SEMA5A: variants seen among roughly 807,000 people sequenced by gnomAD.
The protein encoded by SEMA5A is semaphorin 5A.
In SEMA5A, 55 loss-of-function variants were observed where a neutral mutation model predicts 135.5. The ratio of observed to expected loss-of-function variants is 0.41; its 90% CI spans 0.33 to 0.51. The LOEUF (loss-of-function observed/expected upper bound fraction) is 0.51. Among genes scored for constraint, SEMA5A ranks in the 20% least tolerant of loss-of-function variants. The pLI, the probability that SEMA5A is intolerant of heterozygous loss-of-function variation, is 0.37. For missense variants in SEMA5A, 1,290 were observed against 1,419.9 expected (o/e 0.91, Z 1.47); for synonymous variants, 580 against 546.5 (o/e 1.06, Z -0.85).
intron 16 of SEMA5A, among the ~76,000 whole-genome samples, chr5:9,084,106 C>A (rs980460068): frequency 1.3e-5 from 2 of 152,162 alleles, no homozygotes; most frequent in Non-Finnish European, 2.9e-5. Context: ...AAATAAAAGA[C>A]CTACTAGTCA....
chr5:9,069,470 T>C (rs1257531031), intron 16 of SEMA5A, among the ~76,000 whole-genome samples: 1 of 152,230 alleles, frequency 6.6e-6, no homozygotes, highest in Non-Finnish European at 1.5e-5. Context: ...ATGTTTCCAG[T>C]GGGATAGAAA....
At chr5:9,089,001 C>T (rs1738885158) in intron 16 of SEMA5A, among the ~76,000 whole-genome samples, 1 of 152,110 alleles carries the variant, frequency 6.6e-6, no homozygotes. Flanking sequence ...AGATTCTGTT[C>T]TCCTAAATTT....
At chr5:9,506,057 A>AC (rs3836919) in intron 1 of SEMA5A, among the ~76,000 whole-genome samples, 147,948 of 152,282 alleles carry the variant, frequency 0.97, 72,105 homozygotes, top group Non-Finnish European at 1. Flanking sequence ...TAACACATCC[A>AC]CCAGAATAAT....
chr5:9,492,776 A>G (rs543112344), intron 1 of SEMA5A, among the ~76,000 whole-genome samples: 11 of 152,344 alleles, frequency 7.2e-5, no homozygotes. Flanking sequence ...AAAAGGCTAC[A>G]TACTATGTGA....
chr5:9,049,466 G>A (rs975404138), intron 21 of SEMA5A, among the ~76,000 whole-genome samples: 4 of 152,178 alleles, frequency 2.6e-5, no homozygotes, highest in Non-Finnish European at 5.9e-5. Flanking sequence ...TGCCCAGCCA[G>A]TAAGCTCCTA....
chr5:9,248,311 A>G (rs940486402), intron 5 of SEMA5A, among the ~76,000 whole-genome samples: 6 of 152,154 alleles, frequency 3.9e-5, no homozygotes, highest in Non-Finnish European at 8.8e-5. Context: ...CCTTCCATCT[A>G]TTTAAATCAT....
At chr5:9,285,691 CT>C (rs1160535362) in intron 5 of SEMA5A, among the ~76,000 whole-genome samples, 5 of 152,162 alleles carry the variant, frequency 3.3e-5, no homozygotes, top group Non-Finnish European at 7.3e-5. Context: ...GCAAAGGTGC[CT>C]TTTGAAGCTT....
intron 19 of SEMA5A, among the ~76,000 whole-genome samples, chr5:9,053,127 G>T (rs1260784716): frequency 2.0e-5 from 3 of 152,104 alleles, no homozygotes; most frequent in Non-Finnish European, 4.4e-5. Context: ...GTTAGACCAA[G>T]AAAAGAATAG....
intron 3 of SEMA5A, among the ~76,000 whole-genome samples, chr5:9,359,158 C>T (rs1342312296): frequency 1.3e-5 from 2 of 152,156 alleles, no homozygotes; most frequent in African/African-American, 4.8e-5. Flanking sequence ...CTCCCCCCAC[C>T]AGCTAGAGGC....
chr5:9,059,408 T>C (rs1466339623), intron 18 of SEMA5A, among the ~76,000 whole-genome samples: 2 of 152,194 alleles, frequency 1.3e-5, no homozygotes, highest in Non-Finnish European at 2.9e-5. Context: ...ACTAGTTAGA[T>C]GGACCCACAG....
At chr5:9,180,687 G>T (rs899374370) in intron 11 of SEMA5A, among the ~76,000 whole-genome samples, 1 of 152,096 alleles carries the variant, frequency 6.6e-6, no homozygotes, top group Non-Finnish European at 1.5e-5. Context: ...AAAGTCTTAT[G>T]TATGTTGGAC....
intron 22 of SEMA5A, 89 bp from the exon 23 acceptor site, chr5:9,043,105 T>G: frequency 8.5e-7 from 1 of 1,171,566 alleles, no homozygotes; most frequent in Non-Finnish European, 1.2e-6. Flanking sequence ...ATGTTGAATT[T>G]GAGCTCTCTG....
rs1347728275 is a variant in SEMA5A at position 9,318,334 on chromosome 5, T to C, written c.270+38A>G. ...CCCTCAAACAGTGAGTTAATTGGGA[T>C]GGAAAATGAAAGCTTGAGAAAAATA... On this transcript the variant is annotated intron_variant, in intron 5 of 22. Coordinates refer to ENST00000382496, the MANE Select transcript of SEMA5A (RefSeq NM_003966.3). 6 of 1,586,396 alleles carry C rather than the reference T, an allele frequency of 3.8e-6. No individual in the cohort carries two copies. In the Admixed American group the frequency reaches 8.5e-5, roughly 23 times the overall value.
At chr5:9,112,305 C>G (rs1740285500) in intron 15 of SEMA5A, among the ~76,000 whole-genome samples, 1 of 152,166 alleles carries the variant, frequency 6.6e-6, no homozygotes, top group African/African-American at 2.4e-5. Context: ...AGATTCTCAG[C>G]ACTATATCAT....
intron 15 of SEMA5A, among the ~76,000 whole-genome samples, chr5:9,113,026 A>G (rs2150165471): frequency 6.6e-6 from 1 of 152,286 alleles, no homozygotes; most frequent in Admixed American, 6.5e-5. Flanking sequence ...GCTGCCAACA[A>G]CCACATGATC....
intron 1 of SEMA5A, among the ~76,000 whole-genome samples, chr5:9,464,469 T>C (rs1366003708): frequency 6.6e-6 from 1 of 152,218 alleles, no homozygotes; most frequent in Non-Finnish European, 1.5e-5. Flanking sequence ...TTTCCTACTG[T>C]TTGAACAGTT....
intron 1 of SEMA5A, among the ~76,000 whole-genome samples, chr5:9,438,358 A>T (rs1758109169): frequency 6.6e-6 from 1 of 152,220 alleles, no homozygotes; most frequent in Non-Finnish European, 1.5e-5. Flanking sequence ...TTAGGTGCAC[A>T]ATTATGAGGC....
intron 16 of SEMA5A, among the ~76,000 whole-genome samples, chr5:9,088,659 T>TATATATACACACACACACAC: frequency 8.9e-6 from 1 of 112,886 alleles, no homozygotes; most frequent in Non-Finnish European, 1.7e-5. Context: ...TATATATATA[T>TATATATACACACACACACAC]ACACACACAC....
At chr5:9,055,256 C>G (rs1464550582) in intron 18 of SEMA5A, among the ~76,000 whole-genome samples, 1 of 152,234 alleles carries the variant, frequency 6.6e-6, no homozygotes, top group African/African-American at 2.4e-5. Flanking sequence ...CTAGCCAGAT[C>G]TTCCTTGTTA....
Sources: gnomAD v4.1 joint callset for allele counts (sites outside exome capture counted in the v4.1 genomes callset) on GRCh38, gnomAD v4.1.1 for gene constraint, MANE v1.5 for transcripts, NCBI Gene and HGNC (gene_info 2026-07-23, HGNC 2026-07-21) for gene names.